Variants in SIPA1L1 observed in about 807,000 individuals in gnomAD.
SIPA1L1 encodes the protein signal-induced proliferation-associated 1-like protein 1.
SIPA1L1 carries 26 observed loss-of-function variants against 162.7 expected under a neutral mutation model. The ratio of observed to expected loss-of-function variants is 0.16; its 90% CI spans 0.12 to 0.22. SIPA1L1 has a LOEUF of 0.22. SIPA1L1 is among the 10% of genes least tolerant of loss of function. SIPA1L1 has a pLI of 1.00. For missense variants in SIPA1L1, 1,874 were observed against 2,241.0 expected, an observed-to-expected ratio of 0.84 and a Z score of 3.31; for synonymous variants, 829 against 837.4, an observed-to-expected ratio of 0.99 and a Z score of 0.17.
chr14:71,581,808 A>G (rs2033968184), intron 4 of SIPA1L1, among the ~76,000 whole-genome samples: 1 of 152,172 alleles, frequency 6.6e-6, no homozygotes, highest in Non-Finnish European at 1.5e-5. Context: ...AAGTGTTATT[A>G]TAACTTATCA....
chr14:71,356,653 C>G (rs539542157), intron 2 of SIPA1L1, among the ~76,000 whole-genome samples: 1 of 150,068 alleles, frequency 6.7e-6, no homozygotes, highest in Admixed American at 6.7e-5. Context: ...CAGTTCAAGG[C>G]TGCACTGAAC....
At chr14:71,678,699 G>A (rs972161121) in intron 12 of SIPA1L1, among the ~76,000 whole-genome samples, 11 of 151,874 alleles carry the variant, frequency 7.2e-5, no homozygotes, top group African/African-American at 2.7e-4. Context: ...TTGATTGGAA[G>A]TTTCAGAAGG....
chr14:71,323,277 C>A (rs1315836470), intron 2 of SIPA1L1, among the ~76,000 whole-genome samples: 1 of 152,084 alleles, frequency 6.6e-6, no homozygotes, highest in African/African-American at 2.4e-5. Context: ...TATATATGTT[C>A]TATCTTAAGT....
chr14:71,495,411 T>C (rs898616857), intron 2 of SIPA1L1, among the ~76,000 whole-genome samples: 2 of 151,332 alleles, frequency 1.3e-5, no homozygotes, highest in Non-Finnish European at 2.9e-5. Context: ...GCATACTGTT[T>C]TTATATTTTC....
intron 2 of SIPA1L1, among the ~76,000 whole-genome samples, chr14:71,482,179 A>T (rs1421810644): frequency 6.6e-6 from 1 of 152,148 alleles, no homozygotes; most frequent in African/African-American, 2.4e-5. Context: ...GCTGGTCCTG[A>T]TGGGCAGGAG....
intron 2 of SIPA1L1, 118 bp from the exon 3 acceptor site, chr14:71,512,625 A>C (rs571253638): frequency 1.7e-5 from 2 of 118,066 alleles, no homozygotes; most frequent in Non-Finnish European, 3.2e-5. Context: ...ATATTTTGAC[A>C]TGGCCCTGCA....
chr14:71,421,633 G>A (rs764845098), intron 2 of SIPA1L1, among the ~76,000 whole-genome samples: 76 of 151,946 alleles, frequency 5.0e-4, no homozygotes, highest in Non-Finnish European at 7.8e-4. Context: ...AATAGGTAAA[G>A]CTTACATTAA....
chr14:71,730,211 G>T lies in SIPA1L1; in HGVS notation c.4771G>T (p.Asp1591Tyr). ...ASLLDQALPN[D>Y]VLFSSTYPSL... The stretch of plus-strand genomic sequence containing the variant: ...ACTTCTGGACCAAGCCCTGCCCAAC[G>T]ACGTCCTCTTCAGTAGCACGTACCC... The change falls in exon 20 of 24, where the codon GAC (aspartate) becomes TAC (tyrosine). Residue 1591 changes from aspartate (D) to tyrosine (Y), a missense_variant. Physicochemically the swap from Asp to Tyr is radical, Grantham distance 160 (BLOSUM62 -3). This residue lies in a region of SIPA1L1 where 936 missense variants were observed against 1,051.9 expected (regional missense o/e 0.89). Coordinates refer to ENST00000381232, the MANE Select transcript of SIPA1L1 (RefSeq NM_001386936.1). 6.2e-7 allele frequency: 1 copy of T among 1,614,088 alleles called. No individual in the cohort carries two copies. Among genetic ancestry groups the T allele is most frequent in the Non-Finnish European group, 8.5e-7 (1 of 1,180,030 alleles).
chr14:71,362,847 T>C (rs1157695232), intron 2 of SIPA1L1, among the ~76,000 whole-genome samples: 9 of 152,244 alleles, frequency 5.9e-5, no homozygotes, highest in African/African-American at 2.2e-4. Flanking sequence ...CAGATACTTT[T>C]GCAGGAGTCT....
chr14:71,733,529 A>G (rs2084993123), intron 20 of SIPA1L1, 137 bp from the exon 21 acceptor site: 2 of 861,000 alleles, frequency 2.3e-6, no homozygotes, highest in South Asian at 1.7e-5. Flanking sequence ...TAGAATAGCC[A>G]CTAACAGCCT....
chr14:71,432,626 T>G, intron 2 of SIPA1L1, among the ~76,000 whole-genome samples: 1 of 152,170 alleles, frequency 6.6e-6, no homozygotes, highest in East Asian at 1.9e-4. Context: ...TTCCAGTTTC[T>G]ATGGTCAGCC....
chr14:71,644,471 A>T (rs1325564127), intron 7 of SIPA1L1, among the ~76,000 whole-genome samples: 1 of 150,534 alleles, frequency 6.6e-6, no homozygotes, highest in Non-Finnish European at 1.5e-5. Flanking sequence ...TCCTGGCCTC[A>T]AGTGATCCTC....
In SIPA1L1 at chr14:71,661,432, G is replaced by C. The variant is rs771705777; in HGVS notation, c.2220G>C (p.Arg740Ser). 4.3e-6 allele frequency: 7 copies of C among 1,613,978 alleles called. No individual in the cohort carries two copies. Among genetic ancestry groups the C allele is most frequent in the Non-Finnish European group, 5.9e-6 (7 of 1,179,936 alleles). Residue 740 changes from arginine (R) to serine (S), a missense_variant, in exon 10 of 24, where the codon AGG becomes AGC. Arg to Ser is a moderately radical substitution (Grantham distance 110). Around this residue, in one of 5 missense-constraint regions of SIPA1L1, gnomAD observed 243 missense variants for 315.0 expected, o/e 0.77. Coordinates refer to ENST00000381232, the MANE Select transcript of SIPA1L1 (RefSeq NM_001386936.1). ...TCCAGCACGTTTTCGTCATCGTCAG[G>C]GTGCACAATCCGTGCTCTGACAGTG... Reference protein sequence around the residue: ...SHFQHVFVIVRVHNPCSDSVC... With the variant: ...SHFQHVFVIVSVHNPCSDSVC...
chr14:71,694,549 G>C (rs984263877), intron 13 of SIPA1L1, among the ~76,000 whole-genome samples: 4 of 151,988 alleles, frequency 2.6e-5, no homozygotes, highest in African/African-American at 9.7e-5. Context: ...AGGATGTTTA[G>C]TATCAGTTAT....
At chr14:71,678,818 C>T (rs866243722) in intron 12 of SIPA1L1, among the ~76,000 whole-genome samples, 71 of 151,626 alleles carry the variant, frequency 4.7e-4, no homozygotes, top group South Asian at 8.4e-4. Flanking sequence ...ATTTCAGAGC[C>T]TGTTATTGGT....
chr14:71,405,595 C>T (rs2041978953), intron 2 of SIPA1L1, among the ~76,000 whole-genome samples: 1 of 152,162 alleles, frequency 6.6e-6, no homozygotes, highest in Non-Finnish European at 1.5e-5. Flanking sequence ...GCTTACTGCC[C>T]ATTACAAAAT....
intron 2 of SIPA1L1, among the ~76,000 whole-genome samples, chr14:71,325,155 A>G (rs987730830): frequency 6.6e-6 from 1 of 152,192 alleles, no homozygotes; most frequent in Non-Finnish European, 1.5e-5. Context: ...CTATCCCTTG[A>G]GACTGACAAT....
At chr14:71,370,206 A>G (rs1207993612) in intron 2 of SIPA1L1, among the ~76,000 whole-genome samples, 1 of 149,294 alleles carries the variant, frequency 6.7e-6, no homozygotes, top group Non-Finnish European at 1.5e-5. Flanking sequence ...TATGTTGAAT[A>G]GGAGTGGTGA....
intron 2 of SIPA1L1, among the ~76,000 whole-genome samples, chr14:71,507,778 A>G (rs1238703416): frequency 1.3e-5 from 2 of 152,014 alleles, no homozygotes; most frequent in Admixed American, 6.6e-5. Flanking sequence ...TCATTTTAAC[A>G]TATGTCAAGC....
Sources: allele counts gnomAD v4.1 joint callset (sites outside exome capture counted in the v4.1 genomes callset), GRCh38; gene constraint gnomAD v4.1.1; regional missense constraint gnomAD v4.1.1; transcripts MANE v1.5; gene names NCBI Gene and HGNC (gene_info 2026-07-23, HGNC 2026-07-21).